The following ARL15 variants were observed in gnomAD, a reference collection of about 807,000 sequenced individuals.
ARL15 encodes ARF like GTPase 15, also known as ADP-ribosylation factor-like protein 15.
In ARL15, 19 loss-of-function variants were observed where a neutral mutation model predicts 25.2. The observed-to-expected ratio is 0.75, with a 90% confidence interval of 0.53 to 1.10. The LOEUF is 1.10. ARL15 is among the 50% of genes least tolerant of loss of function. The pLI is 0.00. For missense variants in ARL15, 220 were observed against 246.0 expected (o/e 0.89, Z 0.71); for synonymous variants, 94 against 86.8 (o/e 1.08, Z -0.46).
chr5:53,999,372 T>G (rs1453453505), intron 4 of ARL15, among the ~76,000 whole-genome samples: 1 of 152,034 alleles, frequency 6.6e-6, no homozygotes, highest in Non-Finnish European at 1.5e-5. Context: ...GTGGATCACC[T>G]GAGGTCGGCA....
At chr5:53,910,632 ATT>A (rs374034138) in intron 4 of ARL15, among the ~76,000 whole-genome samples, 57,530 of 85,318 alleles carry the variant, frequency 0.67, 17,160 homozygotes, top group Middle Eastern at 0.71. Flanking sequence ...ATAAAAAAAA[ATT>A]ATATATATAT....
chr5:54,065,279 C>A (rs1489345100), intron 4 of ARL15, among the ~76,000 whole-genome samples: 1 of 152,132 alleles, frequency 6.6e-6, no homozygotes, highest in Non-Finnish European at 1.5e-5. Context: ...ATTAATCTGG[C>A]ATCTTTCACA....
intron 4 of ARL15, among the ~76,000 whole-genome samples, chr5:54,100,411 T>A (rs183067355): frequency 7.8e-4 from 119 of 152,194 alleles, no homozygotes; most frequent in Non-Finnish European, 1.2e-3. Flanking sequence ...AATGTTAACA[T>A]TTTATCACGG....
At chr5:54,123,827 T>C (rs1753164230) in intron 3 of ARL15, among the ~76,000 whole-genome samples, 1 of 152,186 alleles carries the variant, frequency 6.6e-6, no homozygotes, top group South Asian at 2.1e-4. Flanking sequence ...AAAATGAAAT[T>C]AATTTTAATT....
At chr5:54,286,675 G>C (rs6450184) in intron 1 of ARL15, among the ~76,000 whole-genome samples, 92,733 of 151,918 alleles carry the variant, frequency 0.61, 29,232 homozygotes, top group Non-Finnish European at 0.69. Flanking sequence ...GGCTGAAATG[G>C]TGAAGGTAAG....
At chr5:54,195,387 T>G (rs1457418219) in intron 1 of ARL15, among the ~76,000 whole-genome samples, 4 of 152,198 alleles carry the variant, frequency 2.6e-5, no homozygotes, top group African/African-American at 9.7e-5. Flanking sequence ...AACATGGTGA[T>G]GGTTTAAATA....
chr5:54,186,993 T>C (rs1344557356), intron 1 of ARL15, among the ~76,000 whole-genome samples: 1 of 152,118 alleles, frequency 6.6e-6, no homozygotes, highest in East Asian at 1.9e-4. Context: ...CTCATTTTCC[T>C]TTTGTACAAA....
intron 1 of ARL15, among the ~76,000 whole-genome samples, chr5:54,222,417 A>G (rs760084839): frequency 6.6e-6 from 1 of 152,202 alleles, no homozygotes; most frequent in Non-Finnish European, 1.5e-5. Context: ...CAAAAAACAA[A>G]CAAGCAAACA....
At chr5:54,118,841 G>A (rs899018734) in intron 3 of ARL15, among the ~76,000 whole-genome samples, 6 of 152,146 alleles carry the variant, frequency 3.9e-5, no homozygotes, top group South Asian at 4.1e-4. Flanking sequence ...CCTCCCAGGA[G>A]ATTCCAAGGT....
intron 1 of ARL15, among the ~76,000 whole-genome samples, chr5:54,211,450 A>C (rs1756038055): frequency 6.7e-6 from 1 of 150,312 alleles, no homozygotes; most frequent in Admixed American, 6.7e-5. Flanking sequence ...AGTTTTAGGC[A>C]GCGCTTAAAT....
chr5:54,299,769 T>C (rs1006028137), intron 1 of ARL15, among the ~76,000 whole-genome samples: 2 of 151,962 alleles, frequency 1.3e-5, no homozygotes, highest in Non-Finnish European at 2.9e-5. Context: ...TTTTGTATTT[T>C]AGTAGAGATG....
intron 4 of ARL15, among the ~76,000 whole-genome samples, chr5:53,969,414 T>C (rs1450050007): frequency 6.6e-6 from 1 of 152,234 alleles, no homozygotes. Flanking sequence ...TGTGGTGTTC[T>C]GTGCAGTTAG....
intron 1 of ARL15, among the ~76,000 whole-genome samples, chr5:54,281,002 A>C (rs1310415635): frequency 6.6e-6 from 1 of 152,062 alleles, no homozygotes. Context: ...CAAACATCTT[A>C]AAATATTCAT....
chr5:53,916,759 G>A (rs975303639), intron 4 of ARL15, among the ~76,000 whole-genome samples: 4 of 151,976 alleles, frequency 2.6e-5, no homozygotes, highest in Non-Finnish European at 5.9e-5. Context: ...TTCCCCTAAA[G>A]GCTATTAACA....
At chr5:53,964,027 T>C (rs1428663349) in intron 4 of ARL15, among the ~76,000 whole-genome samples, 2 of 152,212 alleles carry the variant, frequency 1.3e-5, no homozygotes, top group Non-Finnish European at 2.9e-5. Flanking sequence ...AGAAGAGAGA[T>C]GGTAACTACA....
intron 4 of ARL15, among the ~76,000 whole-genome samples, chr5:53,997,974 G>A (rs1368417160): frequency 6.6e-6 from 1 of 151,684 alleles, no homozygotes; most frequent in Non-Finnish European, 1.5e-5. Flanking sequence ...CTTAAACACT[G>A]GCCTGCACCA....
intron 1 of ARL15, among the ~76,000 whole-genome samples, chr5:54,214,129 G>A (rs1756119356): frequency 1.3e-5 from 2 of 151,812 alleles, no homozygotes; most frequent in African/African-American, 2.4e-5. Context: ...AGGAAGGAAG[G>A]GGGCTTGATA....
At chr5:54,062,018 A>C (rs996613973) in intron 4 of ARL15, among the ~76,000 whole-genome samples, 1 of 152,196 alleles carries the variant, frequency 6.6e-6, no homozygotes, top group African/African-American at 2.4e-5. Flanking sequence ...TGGATATGAC[A>C]CATGGACTCA....
At chr5:53,990,004 C>G (rs1561179032) in intron 4 of ARL15, among the ~76,000 whole-genome samples, 1 of 151,944 alleles carries the variant, frequency 6.6e-6, no homozygotes, top group Non-Finnish European at 1.5e-5. Flanking sequence ...GAGGCTGAGG[C>G]GAGAGGATCA....
Sources: allele counts gnomAD v4.1 joint callset (sites outside exome capture counted in the v4.1 genomes callset), GRCh38; gene constraint gnomAD v4.1.1; transcripts MANE v1.5; gene names NCBI Gene and HGNC (gene_info 2026-07-23, HGNC 2026-07-21).